DCLK1: variants seen among roughly 807,000 people sequenced by gnomAD.
DCLK1 encodes serine/threonine-protein kinase DCLK1.
A neutral mutation model predicts 86.2 loss-of-function variants in DCLK1; 16 were observed. The ratio of observed to expected loss-of-function variants is 0.19; its 90% CI spans 0.13 to 0.28. DCLK1 has a LOEUF of 0.28. Ranked by LOEUF, DCLK1 falls within the 10% of genes least tolerant of loss-of-function variation. The pLI, the probability that DCLK1 is intolerant of heterozygous loss-of-function variation, is 1.00. For missense variants in DCLK1, 590 were observed against 940.2 expected, an observed-to-expected ratio of 0.63 and a Z score of 4.87; for synonymous variants, 369 against 370.5, an observed-to-expected ratio of 1.00 and a Z score of 0.05.
intron 2 of DCLK1, among the ~76,000 whole-genome samples, chr13:36,118,894 T>C (rs1885884735): frequency 6.6e-6 from 1 of 152,208 alleles, no homozygotes; most frequent in Admixed American, 6.5e-5. Context: ...CTTTTCATTG[T>C]ATCTTCACAG....
intron 2 of DCLK1, among the ~76,000 whole-genome samples, chr13:36,113,046 G>A (rs1230722167): frequency 6.6e-6 from 1 of 152,152 alleles, no homozygotes; most frequent in Non-Finnish European, 1.5e-5. Context: ...ATAAAGTTAG[G>A]TCAAAGCCTT....
At chr13:36,096,095 A>G (rs1047665115) in intron 3 of DCLK1, among the ~76,000 whole-genome samples, 2 of 152,194 alleles carry the variant, frequency 1.3e-5, no homozygotes, top group African/African-American at 4.8e-5. Context: ...TCTTTAATGT[A>G]GCTAACCACC....
At chr13:35,924,385 C>CT (rs1254232984) in intron 4 of DCLK1, among the ~76,000 whole-genome samples, 3 of 152,170 alleles carry the variant, frequency 2.0e-5, no homozygotes, top group African/African-American at 7.2e-5. Flanking sequence ...CACAGTGGAT[C>CT]ATGCCTGTAA....
At chr13:35,927,838 C>T (rs9593571) in intron 4 of DCLK1, among the ~76,000 whole-genome samples, 93,989 of 151,958 alleles carry the variant, frequency 0.62, 29,676 homozygotes, top group Admixed American at 0.71. Context: ...GGGCCTATGA[C>T]GTAATCACCC....
chr13:35,929,630 A>C (rs922790224), intron 4 of DCLK1, among the ~76,000 whole-genome samples: 2 of 151,908 alleles, frequency 1.3e-5, no homozygotes, highest in African/African-American at 4.8e-5. Context: ...TCATTCCCCT[A>C]CTCTAAGCAA....
intron 6 of DCLK1, among the ~76,000 whole-genome samples, chr13:35,845,546 T>TA (rs1160628712): frequency 6.6e-5 from 10 of 152,122 alleles, no homozygotes; most frequent in Non-Finnish European, 1.0e-4. Flanking sequence ...AGGACACCAT[T>TA]AGTGGTTTTA....
chr13:35,813,459 A>G (rs1195801533), intron 11 of DCLK1, among the ~76,000 whole-genome samples: 1 of 152,210 alleles, frequency 6.6e-6, no homozygotes, highest in Admixed American at 6.5e-5. Flanking sequence ...GAACATCTAC[A>G]TTTTAATAGA....
intron 3 of DCLK1, among the ~76,000 whole-genome samples, chr13:36,045,377 T>TCTATATATCTATATATAC (rs568110221): frequency 0.018 from 2,235 of 125,010 alleles, 78 homozygotes; most frequent in East Asian, 0.09. Context: ...TATATATATA[T>TCTATATATCTATATATAC]TTCAAGGTAA....
chr13:36,055,813 T>C (rs1359847102), intron 3 of DCLK1, among the ~76,000 whole-genome samples: 1 of 152,198 alleles, frequency 6.6e-6, no homozygotes, highest in East Asian at 1.9e-4. Flanking sequence ...ATAGGATTTT[T>C]AAAACAGTAT....
chr13:35,863,959 G>C (rs993994455), intron 5 of DCLK1, among the ~76,000 whole-genome samples: 25 of 152,194 alleles, frequency 1.6e-4, no homozygotes, highest in African/African-American at 5.8e-4. Flanking sequence ...TTTTAAGGCT[G>C]GGTGTTCAGA....
intron 3 of DCLK1, among the ~76,000 whole-genome samples, chr13:36,033,654 G>A (rs369166963): frequency 6.6e-5 from 10 of 152,022 alleles, no homozygotes; most frequent in Non-Finnish European, 8.8e-5. Context: ...GTACAGGTGC[G>A]GTAGCTCACG....
At chr13:36,116,173 C>G (rs542348087) in intron 2 of DCLK1, among the ~76,000 whole-genome samples, 1 of 151,796 alleles carries the variant, frequency 6.6e-6, no homozygotes, top group Non-Finnish European at 1.5e-5. Flanking sequence ...TGGCCTCAAA[C>G]TCCTGCCCTC....
chr13:35,820,727 G>A (rs948009957), intron 11 of DCLK1, among the ~76,000 whole-genome samples: 20 of 152,190 alleles, frequency 1.3e-4, no homozygotes, highest in Non-Finnish European at 1.8e-4. Context: ...GGAAAAATGA[G>A]TGCAGATGAG....
chr13:36,001,564 T>A (rs1032109321), intron 3 of DCLK1, among the ~76,000 whole-genome samples: 1 of 152,204 alleles, frequency 6.6e-6, no homozygotes, highest in South Asian at 2.1e-4. Context: ...GAACTCAACA[T>A]CACACCCCTT....
chr13:35,967,054 G>A (rs1353479812), intron 3 of DCLK1, among the ~76,000 whole-genome samples: 1 of 151,902 alleles, frequency 6.6e-6, no homozygotes, highest in Non-Finnish European at 1.5e-5. Context: ...CGTCTAGGAA[G>A]TGAGGAGCGT....
chr13:35,899,847 T>C (rs963078861), intron 4 of DCLK1, among the ~76,000 whole-genome samples: 1 of 152,186 alleles, frequency 6.6e-6, no homozygotes, highest in Non-Finnish European at 1.5e-5. Flanking sequence ...AGAACGCTAT[T>C]GGTAAAAGAT....
At chr13:36,033,488 A>G (rs1200421636) in intron 3 of DCLK1, among the ~76,000 whole-genome samples, 1 of 152,152 alleles carries the variant, frequency 6.6e-6, no homozygotes, top group East Asian at 1.9e-4. Flanking sequence ...TTTATTCTTA[A>G]TATTGGTGTG....
intron 4 of DCLK1, among the ~76,000 whole-genome samples, chr13:35,900,926 G>C (rs1199509219): frequency 6.6e-6 from 1 of 152,162 alleles, no homozygotes; most frequent in Non-Finnish European, 1.5e-5. Context: ...GGAACTTTAT[G>C]ATGAGAACTA....
chr13:35,933,208 C>G (rs1876554511), intron 4 of DCLK1, among the ~76,000 whole-genome samples: 2 of 152,226 alleles, frequency 1.3e-5, no homozygotes, highest in Non-Finnish European at 2.9e-5. Context: ...TTCGGCAGCT[C>G]TGGCCCTGTG....
Sources: gnomAD v4.1 joint callset for allele counts (sites outside exome capture counted in the v4.1 genomes callset) on GRCh38, gnomAD v4.1.1 for gene constraint, MANE v1.5 for transcripts, NCBI Gene and HGNC (gene_info 2026-07-23, HGNC 2026-07-21) for gene names.